The following WNK1 variants were observed in gnomAD, a reference collection of about 807,000 sequenced individuals.
WNK1 encodes the protein serine/threonine-protein kinase WNK1.
In WNK1, 38 loss-of-function variants were observed where a neutral mutation model predicts 222.8. That is an observed-to-expected ratio of 0.17 (90% CI 0.13 to 0.22). The LOEUF (loss-of-function observed/expected upper bound fraction) is 0.22. WNK1 is among the 10% of genes least tolerant of loss of function. The probability of loss-of-function intolerance (pLI) is 1.00; values close to 1 mark genes in which losing one functional copy is unlikely to be tolerated. For missense variants in WNK1, 2,348 were observed against 2,918.4 expected (o/e 0.80, Z 4.50); for synonymous variants, 1,090 against 1,092.9 (o/e 1.00, Z 0.05).
Position 883,804 on chromosome 12 carries a change from C to G in WNK1, c.3694C>G (p.Pro1232Ala). The change falls in exon 17 of 28, where the codon CCT (proline) becomes GCT (alanine). Residue 1232 changes from proline (P) to alanine (A), a missense_variant. This residue lies in a region of WNK1 where 1,144 missense variants were observed against 1,273.6 expected (regional missense o/e 0.90). Transcript: ENST00000315939. ...KLEGEFKQPIPASSMPQQIGI... is the reference protein window; with the variant it reads ...KLEGEFKQPIAASSMPQQIGI... ...GGAAGGAGAGTTCAAACAACCAATT[C>G]CTGCGTCTTCCATGCCACAGCAAAT... 1 of 1,614,078 alleles carries G rather than the reference C, an allele frequency of 6.2e-7. No individual in the cohort carries two copies. Among genetic ancestry groups the G allele is most frequent in the Non-Finnish European group, 8.5e-7 (1 of 1,180,032 alleles).
intron 26 of WNK1, chr12:901,800 C>A: frequency 3.3e-6 from 1 of 299,298 alleles, no homozygotes. Context: ...AAGTTTGGGC[C>A]CCCACATTAA....
At chr12:774,876 C>G (rs1358273779) in intron 1 of WNK1, among the ~76,000 whole-genome samples, 3 of 152,138 alleles carry the variant, frequency 2.0e-5, no homozygotes, top group Admixed American at 6.5e-5. Flanking sequence ...CTCCCCTAAC[C>G]AGTTTTCATA....
intron 1 of WNK1, among the ~76,000 whole-genome samples, chr12:804,992 CTTTATA>C (rs1260587700): frequency 6.9e-6 from 1 of 144,392 alleles, no homozygotes; most frequent in Admixed American, 6.9e-5. Flanking sequence ...AATAATATTC[CTTTATA>C]TTTATATATT....
At chr12:900,915 A>G (rs1955204135) in intron 26 of WNK1, 2 of 551,120 alleles carry the variant, frequency 3.6e-6, no homozygotes, top group Non-Finnish European at 6.6e-6. Flanking sequence ...TGTGTGGCCT[A>G]TATGACTTGC....
At chr12:887,494 A>G (rs996524998) in intron 20 of WNK1, among the ~76,000 whole-genome samples, 190 bp downstream of exon 20, 3 of 152,216 alleles carry the variant, frequency 2.0e-5, no homozygotes, top group African/African-American at 7.2e-5. Context: ...TTTGTTTGTA[A>G]TGTTGCTTCC....
Position 886,007 on chromosome 12 carries a change from T to A in WNK1, c.5203T>A (p.Ser1735Thr), listed in dbSNP as rs926538141. Reference sequence around the variant, plus strand: ...ACCAGTGGTCACACCTGGGCAAGTTTCTACCCCAGTCAGCACTACTACATC... The same window carrying A: ...ACCAGTGGTCACACCTGGGCAAGTTACTACCCCAGTCAGCACTACTACATC... Reference protein sequence around the residue: ...VTPVVTPGQVSTPVSTTTSGV... With the variant: ...VTPVVTPGQVTTPVSTTTSGV... Residue 1735 changes from serine to threonine, a missense_variant, in exon 19 of 28, where the codon TCT (serine) becomes ACT (threonine). Physicochemically the swap from Ser to Thr is moderately conservative, Grantham distance 58 (BLOSUM62 1). Coordinates refer to ENST00000315939, the MANE Select transcript of WNK1 (RefSeq NM_018979.4). The A allele has an allele frequency of 5.7e-6, 9 of 1,592,396 alleles. No homozygotes were observed. In the South Asian group the frequency reaches 5.8e-5, roughly 10 times the overall value.
chr12:875,862 G>A (rs4980974), intron 9 of WNK1, among the ~76,000 whole-genome samples: 59,083 of 152,030 alleles, frequency 0.39, 11,928 homozygotes, highest in East Asian at 0.52. Context: ...TCTTATTTAC[G>A]TGTGTAAATT....
At chr12:862,620 A>G (rs546251192) in intron 8 of WNK1, among the ~76,000 whole-genome samples, 1 of 152,358 alleles carries the variant, frequency 6.6e-6, no homozygotes, top group East Asian at 1.9e-4. Flanking sequence ...GCTTGTTAAA[A>G]TGATTACTAA....
intron 2 of WNK1, among the ~76,000 whole-genome samples, chr12:822,053 C>T (rs1947926542): frequency 7.7e-6 from 1 of 129,584 alleles, no homozygotes; most frequent in Non-Finnish European, 1.7e-5. Flanking sequence ...GAATGATTTG[C>T]TATTTTGCTG....
rs569012528 is a variant in WNK1 at position 829,670 on chromosome 12, G to C, written c.1154-333G>C. 4.6e-5 allele frequency among the ~76,000 whole-genome samples: 7 copies of C among 151,966 alleles called. No individual in the cohort carries two copies. In the South Asian group the frequency reaches 8.3e-4, roughly 18 times the overall value. ...AGTGTCTTTCCTTTTCCTTCTATTT[G>C]TTTTCAATATGAATTATATTAGTTT... On this transcript the variant is annotated intron_variant, in intron 3 of 27. Transcript: ENST00000315939.
Position 884,092 on chromosome 12 carries a change from G to A in WNK1, c.3722-29G>A, listed in dbSNP as rs770225527. 3.7e-6 allele frequency: 6 copies of A among 1,613,684 alleles called. No individual in the cohort carries two copies. Among genetic ancestry groups the A allele is most frequent in the South Asian group, 2.2e-5 (2 of 91,050 alleles). ...ATATTTATAATAATAATGCTATTAAGTTACGTTTGTTTGTTTGTTTTTGAC... is the reference window on the plus strand; with the variant it reads ...ATATTTATAATAATAATGCTATTAAATTACGTTTGTTTGTTTGTTTTTGAC... On this transcript the variant is annotated intron_variant, in intron 17 of 27. Coordinates refer to ENST00000315939, the MANE Select transcript of WNK1 (RefSeq NM_018979.4). The surrounding 1 kb of genome is among the most constrained non-coding windows in gnomAD (Gnocchi z 5.6).
At chr12:816,764 C>A (rs768807200) in intron 2 of WNK1, among the ~76,000 whole-genome samples, 1 of 152,102 alleles carries the variant, frequency 6.6e-6, no homozygotes. Context: ...AAAACTGTTT[C>A]CAAAGAAGAT....
rs760106887 is a variant in WNK1, at chr12:890,416, T to TA, written c.5449-34dup. The stretch of plus-strand genomic sequence containing the variant: ...AGGCAAAAGTTTGAGTGACTGAAGC[T>TA]AAAGATTTGTGGTGTCTGTCTGTGT... On this transcript the variant is annotated intron_variant, in intron 21 of 27. Coordinates refer to ENST00000315939, the MANE Select transcript of WNK1 (RefSeq NM_018979.4). The TA allele has an allele frequency of 3.1e-6, 5 of 1,613,812 alleles. No individual in the cohort carries two copies. In the African/African-American group the frequency reaches 5.3e-5, roughly 17 times the overall value.
rs1238009725 is a variant in WNK1, at chr12:897,487, A to G, written c.6254A>G (p.Lys2085Arg). ...ELRRLRDKHLKEIQDLQSRQK... is the reference protein window; with the variant it reads ...ELRRLRDKHLREIQDLQSRQK... ...TTGGTTATCTTTCACAGACATCTCA[A>G]AGAGATTCAGGACCTGCAGAGTCGC... is the stretch of plus-strand genomic sequence containing the variant. Residue 2085 changes from lysine to arginine, a missense_variant, in exon 25 of 28, where the codon AAA becomes AGA. Coordinates refer to ENST00000315939, the MANE Select transcript of WNK1 (RefSeq NM_018979.4). 10 of 1,592,548 alleles carry G rather than the reference A, an allele frequency of 6.3e-6. No homozygotes were observed. The highest frequency in any genetic ancestry group is 8.6e-6 in the Non-Finnish European group (10 of 1,160,544).
intron 22 of WNK1, 47 bp from the exon 23 acceptor site, chr12:894,515 A>C: frequency 6.6e-7 from 1 of 1,506,090 alleles, no homozygotes; most frequent in Non-Finnish European, 9.2e-7. Flanking sequence ...AAAGAAGTTA[A>C]CTGGAAGGAG....
intron 1 of WNK1, among the ~76,000 whole-genome samples, chr12:764,083 A>G (rs913327574): frequency 1.4e-5 from 2 of 147,220 alleles, no homozygotes; most frequent in South Asian, 2.2e-4. Context: ...AAAAATGTCT[A>G]TATTAGTTGT....
At chr12:907,024 T>TAAAAAAAGAAAAA in intron 26 of WNK1, among the ~76,000 whole-genome samples, 1 of 47,430 alleles carries the variant, frequency 2.1e-5, no homozygotes, top group Non-Finnish European at 3.5e-5. Flanking sequence ...ACCCTTCCTT[T>TAAAAAAAGAAAAA]AAAAAAAAAA....
At position 865,265 on chromosome 12, in the gene WNK1, C is replaced by T. The variant is rs780839970; in HGVS notation, c.2139+2995C>T. ...CGGACTGCCCCGAGGAAACTTTTGC[C>T]GAAAAGCTTTCTAAAGCATTGGAGA... On this transcript the variant is annotated intron_variant, in intron 8 of 27. Coordinates refer to ENST00000315939, the MANE Select transcript of WNK1 (RefSeq NM_018979.4). The T allele has an allele frequency of 6.8e-5, 105 of 1,535,962 alleles. 1 individual carries two copies. The highest frequency in any genetic ancestry group is 5.0e-4 in the Middle Eastern group (3 of 6,010).
chr12:862,516 C>T (rs1951295654), intron 8 of WNK1, among the ~76,000 whole-genome samples: 1 of 152,212 alleles, frequency 6.6e-6, no homozygotes, highest in Admixed American at 6.5e-5. Flanking sequence ...AAAGGGAACG[C>T]TCTCTTTAGC....
Sources: gnomAD v4.1 joint callset for allele counts (sites outside exome capture counted in the v4.1 genomes callset) on GRCh38, gnomAD v4.1.1 for gene constraint, gnomAD v4.1.1 regional missense constraint, Gnocchi (gnomAD v3.1) non-coding constraint, MANE v1.5 for transcripts, NCBI Gene and HGNC (gene_info 2026-07-23, HGNC 2026-07-21) for gene names.